The following SP140 variants were observed in gnomAD, a reference collection of about 807,000 sequenced individuals.
SP140 encodes the protein nuclear body protein SP140.
A neutral mutation model predicts 125.0 loss-of-function variants in SP140; 81 were observed. That is an observed-to-expected ratio of 0.65 (90% CI 0.54 to 0.78). SP140 has a LOEUF of 0.78. Ranked by LOEUF, SP140 falls within the 30% of genes least tolerant of loss-of-function variation. The pLI, the probability that SP140 is intolerant of heterozygous loss-of-function variation, is 0.00. For missense variants in SP140, 858 were observed against 1,037.0 expected (o/e 0.83, Z 2.37); for synonymous variants, 312 against 354.0 (o/e 0.88, Z 1.33).
intron 17 of SP140, among the ~76,000 whole-genome samples, chr2:230,286,338 C>T (rs1179418367): frequency 6.6e-6 from 1 of 152,208 alleles, no homozygotes; most frequent in Admixed American, 6.5e-5. Context: ...TCAGCCTAGG[C>T]AAGCCTTAGT....
At position 230,311,158 on chromosome 2, in the gene SP140, G is replaced by A. The variant is rs1559382361; in HGVS notation, c.2288G>A (p.Cys763Tyr). 1.2e-6 allele frequency: 2 copies of A among 1,606,978 alleles called. No individual in the cohort carries two copies. Among genetic ancestry groups the A allele is most frequent in the Non-Finnish European group, 1.7e-6 (2 of 1,178,382 alleles). The change falls in exon 25 of 27, where the codon TGT (cysteine) becomes TAT (tyrosine). Residue 763 changes from cysteine to tyrosine, a missense_variant. This residue lies in a region of SP140 where 22 missense variants were observed against 50.5 expected (regional missense o/e 0.44). Coordinates refer to ENST00000392045, the MANE Select transcript of SP140 (RefSeq NM_007237.5). ...RQMCPEEQLK[C>Y]EFLLLKVYCC... Reference sequence around the variant, plus strand: ...TACGGCCTCTTTCTTTTGCAGAAATGTGAGTTCCTCCTCTTGAAAGTCTAT... The same window carrying A: ...TACGGCCTCTTTCTTTTGCAGAAATATGAGTTCCTCCTCTTGAAAGTCTAT...
rs746076516 is a variant in SP140, at chr2:230,238,289, C to T, written c.314C>T (p.Thr105Ile). The change falls in exon 3 of 27, where the codon ACA becomes ATA. Residue 105 changes from threonine (T) to isoleucine (I), a missense_variant. Around this residue, in one of 4 missense-constraint regions of SP140, gnomAD observed 791 missense variants for 869.5 expected, o/e 0.91. Coordinates refer to ENST00000392045, the MANE Select transcript of SP140 (RefSeq NM_007237.5). ...MYCVLSELEK[T>I]FGWSHLEALF... ...TGTGTACTCAGTGAACTGGAGAAGA[C>T]ATTTGGCTGGTCACATCTGGAAGCA... 1.9e-6 allele frequency: 3 copies of T among 1,613,728 alleles called. No individual in the cohort carries two copies. Among genetic ancestry groups the T allele is most frequent in the South Asian group, 1.1e-5 (1 of 91,060 alleles).
chr2:230,285,649 G>C, intron 16 of SP140, 103 bp from the exon 17 acceptor site: 1 of 936,824 alleles, frequency 1.1e-6, no homozygotes, highest in Non-Finnish European at 1.7e-6. Flanking sequence ...TGCTCGAGGG[G>C]ATCCAGAATG....
In SP140 at chr2:230,256,746, T is replaced by A. The variant is rs183500868; in HGVS notation, c.1240+1214T>A. 1.5e-4 allele frequency among the ~76,000 whole-genome samples: 23 copies of A among 152,346 alleles called. No individual in the cohort carries two copies. The East Asian group carries it at 3.9e-3, about 26-fold the overall frequency. ...ATTCCTCTGCTGGTAGATACTTTTT[T>A]ATGATTTTTTCACAAACTTGACAAA... On this transcript the variant is annotated intron_variant, in intron 12 of 26. Transcript: ENST00000392045.
At chr2:230,217,219 C>T (rs1966555) in intron 3 of SP140, among the ~76,000 whole-genome samples, 71,764 of 143,636 alleles carry the variant, frequency 0.5, 18,198 homozygotes, top group African/African-American at 0.61. Context: ...GCACTCCAGC[C>T]TGGGTGACAG....
chr2:230,250,111 T>C (rs2050134382), intron 9 of SP140, among the ~76,000 whole-genome samples: 1 of 152,210 alleles, frequency 6.6e-6, no homozygotes, highest in South Asian at 2.1e-4. Flanking sequence ...AAACTCCCCT[T>C]TCTCCAGGGT....
intron 7 of SP140, among the ~76,000 whole-genome samples, chr2:230,247,699 A>C (rs975407484): frequency 3.2e-4 from 49 of 152,278 alleles, no homozygotes; most frequent in Admixed American, 2.6e-4. Context: ...CTCCAGCTTC[A>C]TGTCTGCCTC....
intron 5 of SP140, among the ~76,000 whole-genome samples, chr2:230,244,767 C>A (rs1042787791): frequency 6.6e-6 from 1 of 151,990 alleles, no homozygotes; most frequent in African/African-American, 2.4e-5. Context: ...GGCGTAGAAG[C>A]AAGAGTGTGT....
At chr2:230,292,929 A>T (rs2057295613) in intron 20 of SP140, 141 bp downstream of exon 20, 1 of 1,251,538 alleles carries the variant, frequency 8.0e-7, no homozygotes, top group African/African-American at 1.5e-5. Flanking sequence ...GGAGAGAGGG[A>T]CCCCACATTC....
chr2:230,227,928 T>C (rs2149029969), intron 1 of SP140, among the ~76,000 whole-genome samples: 1 of 152,302 alleles, frequency 6.6e-6, no homozygotes, highest in East Asian at 1.9e-4. Flanking sequence ...CACTTTAATT[T>C]TAATTTTTTT....
chr2:230,297,804 C>T (rs2057896122), intron 22 of SP140, among the ~76,000 whole-genome samples: 1 of 152,056 alleles, frequency 6.6e-6, no homozygotes, highest in Admixed American at 6.6e-5. Context: ...GGGGAAGGAA[C>T]AAATGTGAGA....
chr2:230,222,663 C>T (rs35359166), upstream of SP140, among the ~76,000 whole-genome samples: 1 of 150,938 alleles, frequency 6.6e-6, no homozygotes, highest in Admixed American at 6.6e-5. Context: ...GGTCCAGTCT[C>T]TGGTGAGCAG....
chr2:230,307,600 A>G (rs955803688), intron 22 of SP140, among the ~76,000 whole-genome samples: 4 of 152,234 alleles, frequency 2.6e-5, no homozygotes, highest in African/African-American at 7.2e-5. Flanking sequence ...GCAGAGAGCC[A>G]GTGCTCATGC....
chr2:230,306,053 G>A (rs1410878987), intron 22 of SP140, among the ~76,000 whole-genome samples: 2 of 152,182 alleles, frequency 1.3e-5, no homozygotes, highest in East Asian at 3.9e-4. Flanking sequence ...GCCTGGCAAG[G>A]GCTGGAGCCA....
chr2:230,292,478 A>AT, intron 19 of SP140, among the ~76,000 whole-genome samples, 168 bp from the exon 20 acceptor site: 1 of 152,202 alleles, frequency 6.6e-6, no homozygotes, highest in East Asian at 1.9e-4. Flanking sequence ...CTTAGAGGGG[A>AT]TTTTCAGGCT....
At chr2:230,204,417 A>C (rs2043528684) in intron 1 of SP140, among the ~76,000 whole-genome samples, 1 of 152,148 alleles carries the variant, frequency 6.6e-6, no homozygotes, top group Non-Finnish European at 1.5e-5. Context: ...GTCTGCCCTA[A>C]ATATGGGATA....
At chr2:230,204,685 A>G (rs1224433601) in intron 1 of SP140, among the ~76,000 whole-genome samples, 2 of 152,142 alleles carry the variant, frequency 1.3e-5, no homozygotes, top group African/African-American at 4.8e-5. Context: ...CACATTATGT[A>G]AGTAATTACA....
chr2:230,314,830 G>A (rs2059473041), downstream of SP140, among the ~76,000 whole-genome samples: 1 of 152,236 alleles, frequency 6.6e-6, no homozygotes, highest in African/African-American at 2.4e-5. Context: ...AAGCTCAATG[G>A]TGGCTGCCCC....
chr2:230,212,824 G>A, intron 1 of SP140: 1 of 1,614,126 alleles, frequency 6.2e-7, no homozygotes, highest in Non-Finnish European at 8.5e-7. Flanking sequence ...GATGGGCTGG[G>A]CGACTCACTC....
Sources: allele counts gnomAD v4.1 joint callset (sites outside exome capture counted in the v4.1 genomes callset), GRCh38; gene constraint gnomAD v4.1.1; regional missense constraint gnomAD v4.1.1; transcripts MANE v1.5; gene names NCBI Gene and HGNC (gene_info 2026-07-23, HGNC 2026-07-21).